Variants in DLC1 observed in about 807,000 individuals in gnomAD.
The protein encoded by DLC1 is rho GTPase-activating protein 7.
DLC1 carries 54 observed loss-of-function variants against 140.3 expected under a neutral mutation model. That is an observed-to-expected ratio of 0.38 (90% CI 0.31 to 0.48). The LOEUF (loss-of-function observed/expected upper bound fraction) is 0.48. Among genes scored for constraint, DLC1 ranks in the 20% least tolerant of loss-of-function variants. DLC1 has a pLI of 0.96. For synonymous variants in DLC1, 986 were observed against 728.1 expected, an observed-to-expected ratio of 1.35 and a Z score of -5.70; for missense variants, 2,536 against 1,907.0, an observed-to-expected ratio of 1.33 and a Z score of -6.14.
At chr8:13,370,590 A>C (rs1835683649) in intron 4 of DLC1, among the ~76,000 whole-genome samples, 1 of 152,198 alleles carries the variant, frequency 6.6e-6, no homozygotes, top group African/African-American at 2.4e-5. Context: ...GGGCCTAAGC[A>C]TATTAACGTG....
At chr8:13,201,468 ATAAAT>A (rs1389073232) in intron 5 of DLC1, among the ~76,000 whole-genome samples, 1 of 152,196 alleles carries the variant, frequency 6.6e-6, no homozygotes, top group East Asian at 1.9e-4. Context: ...TATTGAGAAA[ATAAAT>A]TTAAGAAGGC....
upstream of DLC1, among the ~76,000 whole-genome samples, chr8:13,516,506 C>G (rs1278604585): frequency 6.6e-6 from 1 of 152,116 alleles, no homozygotes; most frequent in Non-Finnish European, 1.5e-5. Context: ...GCTAAAATCT[C>G]TCAAAGTTAA....
chr8:13,108,474 A>C (rs1819781329), intron 7 of DLC1, among the ~76,000 whole-genome samples: 1 of 152,210 alleles, frequency 6.6e-6, no homozygotes, highest in Non-Finnish European at 1.5e-5. Flanking sequence ...TTCGCTTCAG[A>C]GAAAGGTGGC....
chr8:13,508,423 C>T (rs116308944), intron 1 of DLC1, among the ~76,000 whole-genome samples: 34 of 146,406 alleles, frequency 2.3e-4, no homozygotes, highest in African/African-American at 4.3e-4. Context: ...ACTTCTTTTT[C>T]TTTTTTTTTT....
At chr8:13,359,347 T>A (rs1005209024) in intron 4 of DLC1, among the ~76,000 whole-genome samples, 1 of 152,176 alleles carries the variant, frequency 6.6e-6, no homozygotes, top group Non-Finnish European at 1.5e-5. Context: ...TTTGGCTTTG[T>A]TGGGTAATGT....
At chr8:13,247,765 C>A (rs1829827521) in intron 5 of DLC1, among the ~76,000 whole-genome samples, 1 of 152,224 alleles carries the variant, frequency 6.6e-6, no homozygotes, top group African/African-American at 2.4e-5. Flanking sequence ...ACTGCTTTAT[C>A]TTCCAGGCTG....
At chr8:13,225,520 A>G (rs145282705) in intron 5 of DLC1, among the ~76,000 whole-genome samples, 2,808 of 152,234 alleles carry the variant, frequency 0.018, 97 homozygotes, top group African/African-American at 0.063. Flanking sequence ...GAAGAGGTCC[A>G]TTTTGGCAAA....
chr8:13,133,272 G>A (rs1355203145), intron 5 of DLC1: 9 of 1,327,202 alleles, frequency 6.8e-6, no homozygotes, highest in Non-Finnish European at 7.7e-6. Context: ...GCCCTCGCTC[G>A]GGCAGTCGGA....
At chr8:13,406,106 A>T (rs1837545643) in intron 2 of DLC1, among the ~76,000 whole-genome samples, 1 of 145,960 alleles carries the variant, frequency 6.9e-6, no homozygotes, top group Non-Finnish European at 1.5e-5. Context: ...TCCCAGGTTC[A>T]AGCGATTCTC....
At chr8:13,441,286 T>C (rs918717744) in intron 2 of DLC1, among the ~76,000 whole-genome samples, 5 of 152,186 alleles carry the variant, frequency 3.3e-5, no homozygotes, top group African/African-American at 1.2e-4. Flanking sequence ...GCATTCCCTT[T>C]GAAAACTGGC....
At chr8:13,569,500 T>C (rs1453678277) in intron 1 of DLC1, among the ~76,000 whole-genome samples, 1 of 152,208 alleles carries the variant, frequency 6.6e-6, no homozygotes, top group Admixed American at 6.5e-5. Flanking sequence ...TCTCAATATA[T>C]TCATGTTTTA....
At chr8:13,264,429 A>G (rs1830604504) in intron 5 of DLC1, among the ~76,000 whole-genome samples, 1 of 152,178 alleles carries the variant, frequency 6.6e-6, no homozygotes, top group Non-Finnish European at 1.5e-5. Flanking sequence ...AATTCTGAGC[A>G]AAGACAGCTG....
chr8:13,404,621 A>C (rs994218694), intron 2 of DLC1, among the ~76,000 whole-genome samples: 1 of 152,192 alleles, frequency 6.6e-6, no homozygotes, highest in African/African-American at 2.4e-5. Flanking sequence ...ACAGGGATTA[A>C]CATTACTAAG....
At chr8:13,410,061 A>G (rs1043809646) in intron 2 of DLC1, among the ~76,000 whole-genome samples, 8 of 152,152 alleles carry the variant, frequency 5.3e-5, no homozygotes, top group East Asian at 1.9e-4. Flanking sequence ...TAAGAATGTC[A>G]TTAATCTCCT....
chr8:13,451,088 G>C lies in DLC1; in HGVS notation c.1023+47961C>G, dbSNP rs538054341. Among the ~76,000 whole-genome samples the C allele has an allele frequency of 1.4e-3, 155 of 107,752 alleles. 2 individuals carry two copies. In the South Asian group the frequency reaches 0.047, roughly 33 times the overall value. The allele number at this position is 107,752 out of a possible 152,430, so 70.7% of individuals were successfully genotyped here. ...AAAAAAGAAAAAAAGAAAAAGGATA[G>C]ATATAGGTCAAATTTTCTTAAGATA... On this transcript the variant is annotated intron_variant, in intron 2 of 17. Transcript: ENST00000276297.
rs1817423782 is a variant in DLC1, at chr8:13,084,849, A to G, written c.*962T>C. ...CATAGTGTCTTAAGGCGTTTCTGTT[A>G]CAAACACAAAAATGCAAAGAATTCT... On this transcript the variant is annotated 3_prime_UTR_variant, in exon 18 of 18. Coordinates refer to ENST00000276297, the MANE Select transcript of DLC1 (RefSeq NM_182643.3). The G allele has an allele frequency of 6.6e-6, 1 of 152,222 alleles. No homozygotes were observed. The highest frequency in any genetic ancestry group is 1.5e-5 in the Non-Finnish European group (1 of 68,042). 9.4% of individuals were successfully genotyped at this position (152,222 alleles called of 1,614,324 possible).
chr8:13,152,824 G>GAGAAAAAAAA (rs1554451776), intron 5 of DLC1, among the ~76,000 whole-genome samples: 7 of 91,346 alleles, frequency 7.7e-5, no homozygotes, highest in African/African-American at 2.1e-4. Context: ...CTCTGGGGAA[G>GAGAAAAAAAA]AAAAAAAAAA....
intron 1 of DLC1, among the ~76,000 whole-genome samples, chr8:13,566,190 CA>C (rs1228895933): frequency 6.6e-6 from 1 of 151,996 alleles, no homozygotes; most frequent in East Asian, 1.9e-4. Context: ...GAGTTTAAGG[CA>C]GGGGTGGGTA....
At chr8:13,552,843 A>G (rs992925026) in intron 1 of DLC1, among the ~76,000 whole-genome samples, 1 of 151,964 alleles carries the variant, frequency 6.6e-6, no homozygotes, top group Non-Finnish European at 1.5e-5. Flanking sequence ...AGTGAAAGAA[A>G]ATGATCACAG....
Sources: gnomAD v4.1 joint callset for allele counts (sites outside exome capture counted in the v4.1 genomes callset) on GRCh38, gnomAD v4.1.1 for gene constraint, MANE v1.5 for transcripts, NCBI Gene and HGNC (gene_info 2026-07-23, HGNC 2026-07-21) for gene names.